The following PARN variants were observed in gnomAD, a reference collection of about 807,000 sequenced individuals.
The protein encoded by PARN is poly(A)-specific ribonuclease PARN.
A neutral mutation model predicts 102.8 loss-of-function variants in PARN; 71 were observed. The observed-to-expected ratio is 0.69, with a 90% CI of 0.57 to 0.84. The LOEUF is 0.84. PARN is among the 40% of genes least tolerant of loss of function. The pLI, the probability that PARN is intolerant of heterozygous loss-of-function variation, is 0.00. For missense variants in PARN, 782 were observed against 760.9 expected (o/e 1.03, Z -0.33); for synonymous variants, 261 against 252.9 (o/e 1.03, Z -0.30).
chr16:14,577,446 G>A (rs943693776), intron 18 of PARN, among the ~76,000 whole-genome samples: 7 of 151,984 alleles, frequency 4.6e-5, no homozygotes, highest in African/African-American at 1.5e-4. Context: ...TGATCCTCCT[G>A]CCTCAGCCTC....
intron 2 of PARN, among the ~76,000 whole-genome samples, chr16:14,628,642 T>C (rs1207759246): frequency 1.3e-5 from 2 of 152,218 alleles, no homozygotes; most frequent in South Asian, 4.1e-4. Flanking sequence ...TTGGAGTGGT[T>C]AATATCTATG....
intron 10 of PARN, among the ~76,000 whole-genome samples, chr16:14,605,381 G>A (rs528747857): frequency 2.6e-5 from 4 of 152,300 alleles, no homozygotes; most frequent in Admixed American, 2.0e-4. Context: ...CAACCCAACA[G>A]ACATCAGTTA....
chr16:14,565,564 A>G (rs1164538450), intron 18 of PARN, among the ~76,000 whole-genome samples: 2 of 152,260 alleles, frequency 1.3e-5, no homozygotes, highest in Non-Finnish European at 1.5e-5. Context: ...CATACTGTAA[A>G]GTGTCAGAGG....
intron 13 of PARN, among the ~76,000 whole-genome samples, chr16:14,590,363 G>T (rs957098927): frequency 1.3e-5 from 2 of 151,646 alleles, no homozygotes; most frequent in Non-Finnish European, 2.9e-5. Context: ...GGCCAGACGT[G>T]GTGGCTCACG....
chr16:14,533,225 G>A lies in PARN; in HGVS notation c.1480+18796C>T, dbSNP rs1027085709. Among the ~76,000 whole-genome samples, 21 of 152,128 alleles carry A rather than the reference G, an allele frequency of 1.4e-4. 1 individual carries two copies. Among genetic ancestry groups the A allele is most frequent in the African/African-American group, 4.3e-4 (18 of 41,438 alleles). ...TGGAGACCAGCCCGGCCAACACAGC[G>A]AAACCCCGTCTCCACCAAAAAAATA... On this transcript the variant is annotated intron_variant, in intron 21 of 23. Coordinates refer to ENST00000437198, the MANE Select transcript of PARN (RefSeq NM_002582.4).
Position 14,610,644 on chromosome 16 carries a change from A to G in PARN, c.554T>C (p.Val185Ala). ...EDQKKFIDQV[V>A]EKIEDLLQSE... The stretch of plus-strand genomic sequence containing the variant: ...GCTTAGTTTTAATTTAGGAACTTAC[A>G]CCACTTGGTCAATAAACTTCTTTTG... The change falls in exon 7 of 24, where the codon GTA becomes GCA. Residue 185 changes from valine (V) to alanine (A), a missense_variant and splice_region_variant. Val to Ala is a moderately conservative substitution (Grantham distance 64). Transcript: ENST00000437198. 6.3e-7 allele frequency: 1 copy of G among 1,596,580 alleles called. No individual in the cohort carries two copies. The highest frequency in any genetic ancestry group is 8.6e-7 in the Non-Finnish European group (1 of 1,164,232).
chr16:14,519,051 G>C (rs1323520146), intron 21 of PARN, among the ~76,000 whole-genome samples: 3 of 151,844 alleles, frequency 2.0e-5, no homozygotes, highest in Non-Finnish European at 4.4e-5. Flanking sequence ...TGTGGGGTGT[G>C]TACCATGGGA....
chr16:14,630,156 C>T lies in PARN; in HGVS notation c.-31G>A, dbSNP rs754212597. The T allele has an allele frequency of 1.7e-5, 27 of 1,548,092 alleles. No homozygotes were observed. Among genetic ancestry groups the T allele is most frequent in the Non-Finnish European group, 7.0e-6 (8 of 1,143,810 alleles). On this transcript the variant is annotated 5_prime_UTR_variant, in exon 1 of 24. Transcript: ENST00000437198. ...AGAGTGGCCGGAACCTTGGCCCCAC[C>T]CGGGCCCGCGCCCGCCTCAGCGGTT...
At chr16:14,520,774 C>T (rs1596563082) in intron 21 of PARN, among the ~76,000 whole-genome samples, 1 of 152,116 alleles carries the variant, frequency 6.6e-6, no homozygotes, top group South Asian at 2.1e-4. Flanking sequence ...CTAAAATATG[C>T]TTCAAAATAA....
chr16:14,489,425 C>CAG (rs1195493512), intron 21 of PARN, among the ~76,000 whole-genome samples: 2 of 110,564 alleles, frequency 1.8e-5, no homozygotes, highest in African/African-American at 3.6e-5. Context: ...AGCCTGGCGA[C>CAG]AGAGAGAGAC....
intron 18 of PARN, among the ~76,000 whole-genome samples, chr16:14,564,415 C>G (rs9939639): frequency 0.68 from 103,637 of 152,126 alleles, 36,728 homozygotes; most frequent in Non-Finnish European, 0.78. Context: ...AGGAACAACA[C>G]GCAGTGAAGA....
intron 6 of PARN, among the ~76,000 whole-genome samples, chr16:14,616,900 A>T (rs902099047): frequency 6.6e-6 from 1 of 152,246 alleles, no homozygotes; most frequent in African/African-American, 2.4e-5. Flanking sequence ...CTCTTGTTAC[A>T]CTGGAAGAAA....
chr16:14,578,162 C>T lies in PARN; in HGVS notation c.1262+2712G>A, dbSNP rs1969267352. Reference sequence around the variant, plus strand: ...TGGCCAACATGGTGAAACCCTGTCTCTACTAAAAATACAAAAATTAGCAGG... The same window carrying T: ...TGGCCAACATGGTGAAACCCTGTCTTTACTAAAAATACAAAAATTAGCAGG... On this transcript the variant is annotated intron_variant, in intron 18 of 23. Transcript: ENST00000437198. Among the ~76,000 whole-genome samples the T allele has an allele frequency of 4.0e-5, 6 of 148,920 alleles. No individual in the cohort carries two copies. The South Asian group carries it at 1.1e-3, about 26-fold the overall frequency.
At chr16:14,563,522 G>GTGTATGTATA (rs1423811963) in intron 18 of PARN, among the ~76,000 whole-genome samples, 1 of 149,148 alleles carries the variant, frequency 6.7e-6, no homozygotes, top group African/African-American at 2.5e-5. Flanking sequence ...GTGTGTGTGT[G>GTGTATGTATA]TATATAATTC....
At chr16:14,452,731 G>A (rs989792246) in intron 22 of PARN, among the ~76,000 whole-genome samples, 1 of 152,216 alleles carries the variant, frequency 6.6e-6, no homozygotes, top group African/African-American at 2.4e-5. Flanking sequence ...CATCCTGCCT[G>A]AGAAAGCTCT....
intron 21 of PARN, among the ~76,000 whole-genome samples, chr16:14,541,426 T>C (rs1966839670): frequency 6.6e-6 from 1 of 152,196 alleles, no homozygotes; most frequent in African/African-American, 2.4e-5. Flanking sequence ...TGAAAAAGTT[T>C]GTAGTTTGAG....
chr16:14,615,424 T>G (rs573394609), intron 6 of PARN, among the ~76,000 whole-genome samples: 1 of 152,296 alleles, frequency 6.6e-6, no homozygotes, highest in South Asian at 2.1e-4. Context: ...AACTTATATT[T>G]TATAATGGCT....
chr16:14,473,208 C>A (rs1209879250), intron 22 of PARN, among the ~76,000 whole-genome samples: 1 of 152,110 alleles, frequency 6.6e-6, no homozygotes, highest in Non-Finnish European at 1.5e-5. Flanking sequence ...AGAGAAGCTG[C>A]GAGTGAGGAA....
At chr16:14,568,987 G>T (rs1968612895) in intron 18 of PARN, among the ~76,000 whole-genome samples, 1 of 152,006 alleles carries the variant, frequency 6.6e-6, no homozygotes, top group African/African-American at 2.4e-5. Flanking sequence ...TGAGGTGGGC[G>T]GATCACTTGA....
Sources: allele counts gnomAD v4.1 joint callset (sites outside exome capture counted in the v4.1 genomes callset), GRCh38; gene constraint gnomAD v4.1.1; transcripts MANE v1.5; gene names NCBI Gene and HGNC (gene_info 2026-07-23, HGNC 2026-07-21).